CPEB3: variants seen among roughly 807,000 people sequenced by gnomAD.
CPEB3 encodes cytoplasmic polyadenylation element binding protein 3.
CPEB3 carries 20 observed loss-of-function variants against 67.2 expected under a neutral mutation model. The ratio of observed to expected loss-of-function variants is 0.30; its 90% CI spans 0.21 to 0.43. The LOEUF (loss-of-function observed/expected upper bound fraction) is 0.43. CPEB3 is among the 20% of genes least tolerant of loss of function. The pLI, the probability that CPEB3 is intolerant of heterozygous loss-of-function variation, is 1.00. For missense variants in CPEB3, 746 were observed against 968.6 expected (o/e 0.77, Z 3.05); for synonymous variants, 376 against 393.1 (o/e 0.96, Z 0.51).
chr10:92,052,492 A>C, intron 9 of CPEB3, 53 bp from the exon 10 acceptor site: 1 of 1,511,210 alleles, frequency 6.6e-7, no homozygotes, highest in Non-Finnish European at 9.1e-7. Context: ...GCTTCCTTAC[A>C]TGTCTTGCTT....
intron 4 of CPEB3, 32 bp downstream of exon 4, chr10:92,180,931 A>T: frequency 2.8e-6 from 3 of 1,083,606 alleles, no homozygotes; most frequent in South Asian, 2.6e-5. Context: ...CTTGACTGCT[A>T]ATTTAATAGA....
rs56132294 is a variant in CPEB3 at position 92,189,742 on chromosome 10, C to T, written c.1165+2735G>A. ...TTTTTTTTTGAGACAGAGTCTCTCG[C>T]TCTGTCGCCAGGCTGCAGTACAGTG... On this transcript the variant is annotated intron_variant, in intron 3 of 9. Coordinates refer to ENST00000265997, the MANE Select transcript of CPEB3 (RefSeq NM_014912.5). Among the ~76,000 whole-genome samples, 603 of 129,048 alleles carry T rather than the reference C, an allele frequency of 4.7e-3. 5 individuals carry two copies. Among genetic ancestry groups the T allele is most frequent in the African/African-American group, 0.017 (574 of 33,924 alleles). The allele number at this position is 129,048 out of a possible 152,430, so 84.7% of individuals were successfully genotyped here.
rs1207359244 is a variant in CPEB3, at chr10:92,243,594, TG to T, written c.-11-3234del. Among the ~76,000 whole-genome samples, 11 of 152,124 alleles carry T rather than the reference TG, an allele frequency of 7.2e-5. No individual in the cohort carries two copies. The East Asian group carries it at 1.5e-3, about 21-fold the overall frequency. ...CTTAAATGGTTAGAATGGTAATGAC[TG>T]GGTAGCTAGCAATAGGAATCCTACT... On this transcript the variant is annotated intron_variant, in intron 1 of 9. Coordinates refer to ENST00000265997, the MANE Select transcript of CPEB3 (RefSeq NM_014912.5).
At chr10:92,139,545 G>A (rs1392788357) in intron 6 of CPEB3, among the ~76,000 whole-genome samples, 1 of 151,640 alleles carries the variant, frequency 6.6e-6, no homozygotes, top group African/African-American at 2.4e-5. Context: ...AAGAAGGTGG[G>A]GGTGGGTGGG....
At position 92,285,328 on chromosome 10, in the gene CPEB3, C is replaced by T. The variant is rs531164527; in HGVS notation, c.-12+5598G>A. On this transcript the variant is annotated intron_variant, in intron 1 of 9. Transcript: ENST00000265997. ...CTCGGTTGCCCAGGCTGGAGTGTAG[C>T]GGCACAATCTCAGCTCACTGCAACC... Among the ~76,000 whole-genome samples, 8 of 152,080 alleles carry T rather than the reference C, an allele frequency of 5.3e-5. No homozygotes were observed. In the South Asian group the frequency reaches 6.2e-4, roughly 12 times the overall value.
intron 6 of CPEB3, among the ~76,000 whole-genome samples, chr10:92,140,033 T>C (rs956225584): frequency 6.7e-6 from 1 of 150,316 alleles, no homozygotes; most frequent in Non-Finnish European, 1.5e-5. Flanking sequence ...GATCACACCA[T>C]TGCACTCCAG....
intron 4 of CPEB3, among the ~76,000 whole-genome samples, chr10:92,167,177 A>G (rs1198618917): frequency 2.0e-5 from 3 of 152,196 alleles, no homozygotes; most frequent in Non-Finnish European, 2.9e-5. Context: ...TCTTTTACTC[A>G]GGCCACTAAA....
intron 6 of CPEB3, among the ~76,000 whole-genome samples, chr10:92,132,906 C>T (rs1044110953): frequency 6.6e-6 from 1 of 152,172 alleles, no homozygotes; most frequent in African/African-American, 2.4e-5. Flanking sequence ...ACAACCTGCT[C>T]CTGAATGACT....
rs141891291 is a variant in CPEB3 at position 92,187,010 on chromosome 10, G to A, written c.1165+5467C>T. Reference sequence around the variant, plus strand: ...TTCAAGCCACAGAAGTAAATAAAGAGACAGTATATTTTTCTGGAACAAACA... The same window carrying A: ...TTCAAGCCACAGAAGTAAATAAAGAAACAGTATATTTTTCTGGAACAAACA... On this transcript the variant is annotated intron_variant, in intron 3 of 9. Transcript: ENST00000265997. Among the ~76,000 whole-genome samples the A allele has an allele frequency of 5.1e-4, 77 of 152,232 alleles. No homozygotes were observed. The East Asian group carries it at 0.015, about 29-fold the overall frequency.
intron 1 of CPEB3, among the ~76,000 whole-genome samples, chr10:92,275,581 T>A (rs1178122928): frequency 6.6e-6 from 1 of 152,150 alleles, no homozygotes; most frequent in African/African-American, 2.4e-5. Flanking sequence ...ATTCAGTGGC[T>A]TTTAGTATAT....
chr10:92,137,494 A>G (rs1846159731), intron 6 of CPEB3: 10 of 1,072,520 alleles, frequency 9.3e-6, no homozygotes, highest in Non-Finnish European at 1.4e-5. Context: ...GCTATCAGCC[A>G]CAAGGCCTTC....
intron 2 of CPEB3, among the ~76,000 whole-genome samples, chr10:92,217,966 T>C (rs1850512949): frequency 6.6e-6 from 1 of 151,386 alleles, no homozygotes; most frequent in African/African-American, 2.4e-5. Flanking sequence ...AAAAATTATC[T>C]GGGCATGATG....
At chr10:92,061,581 C>T (rs1176084791) in intron 9 of CPEB3, among the ~76,000 whole-genome samples, 1 of 152,056 alleles carries the variant, frequency 6.6e-6, no homozygotes, top group Non-Finnish European at 1.5e-5. Flanking sequence ...AAGCTAGACA[C>T]AGAAAGACAA....
intron 2 of CPEB3, among the ~76,000 whole-genome samples, chr10:92,206,689 A>C (rs2134296393): frequency 6.6e-6 from 1 of 152,320 alleles, no homozygotes; most frequent in East Asian, 1.9e-4. Flanking sequence ...GAATATAATT[A>C]ATTTTTGCAT....
intron 1 of CPEB3, among the ~76,000 whole-genome samples, chr10:92,254,690 T>C (rs1852446234): frequency 6.6e-6 from 1 of 152,020 alleles, no homozygotes; most frequent in African/African-American, 2.4e-5. Flanking sequence ...TCTTGCTCGC[T>C]CAGTCACCCA....
chr10:92,256,945 A>G (rs1852542563), intron 1 of CPEB3, among the ~76,000 whole-genome samples: 1 of 152,240 alleles, frequency 6.6e-6, no homozygotes, highest in South Asian at 2.1e-4. Flanking sequence ...GGCCTAAAAC[A>G]TAGAGATACT....
At chr10:92,109,092 C>A (rs1456072306) in intron 7 of CPEB3, among the ~76,000 whole-genome samples, 2 of 152,172 alleles carry the variant, frequency 1.3e-5, no homozygotes, top group African/African-American at 4.8e-5. Flanking sequence ...ATCCCTCTGC[C>A]TTTTTATGTA....
intron 4 of CPEB3, among the ~76,000 whole-genome samples, chr10:92,164,109 G>C (rs1166888562): frequency 6.6e-6 from 1 of 152,134 alleles, no homozygotes; most frequent in Non-Finnish European, 1.5e-5. Context: ...ATAACCTACT[G>C]ATAATTTATC....
intron 6 of CPEB3, among the ~76,000 whole-genome samples, chr10:92,114,125 T>C (rs1375450908): frequency 6.6e-6 from 1 of 152,186 alleles, no homozygotes; most frequent in Non-Finnish European, 1.5e-5. Context: ...ATCTGGGCTG[T>C]AGTTCAACAA....
Sources: allele counts gnomAD v4.1 joint callset (sites outside exome capture counted in the v4.1 genomes callset), GRCh38; gene constraint gnomAD v4.1.1; transcripts MANE v1.5; gene names NCBI Gene and HGNC (gene_info 2026-07-23, HGNC 2026-07-21).